C19orf38: variants seen among roughly 807,000 people sequenced by gnomAD.
C19orf38 encodes the protein protein HIDE1.
Under a neutral mutation model 26.6 loss-of-function variants are expected in C19orf38, and 14 were observed. That is an observed-to-expected ratio of 0.53 (90% CI 0.35 to 0.82). The LOEUF (loss-of-function observed/expected upper bound fraction) is 0.82. C19orf38 is among the 40% of genes least tolerant of loss of function. The pLI, the probability that C19orf38 is intolerant of heterozygous loss-of-function variation, is 0.01. For missense variants in C19orf38, 261 were observed against 299.5 expected (o/e 0.87, Z 0.95); for synonymous variants, 132 against 128.5 (o/e 1.03, Z -0.18).
intron 4 of C19orf38, among the ~76,000 whole-genome samples, chr19:10,858,572 G>GTAAA (rs1282978506): frequency 2.6e-5 from 4 of 152,150 alleles, no homozygotes; most frequent in Non-Finnish European, 1.5e-5. Context: ...CAGGCACCAT[G>GTAAA]AATAGCCCTA....
At chr19:10,836,833 G>T (rs1360128867) in intron 1 of C19orf38, 1 of 152,352 alleles carries the variant, frequency 6.6e-6, no homozygotes, top group African/African-American at 2.4e-5. Flanking sequence ...GATGAGGCTT[G>T]GTTCATATTG....
upstream of C19orf38, among the ~76,000 whole-genome samples, chr19:10,844,071 G>A (rs548373241): frequency 9.9e-5 from 15 of 151,388 alleles, no homozygotes; most frequent in South Asian, 6.3e-4. Context: ...CCGAGATTGC[G>A]CCACTGCACT....
At chr19:10,862,880 G>A (rs2073715363) in intron 5 of C19orf38, among the ~76,000 whole-genome samples, 1 of 152,070 alleles carries the variant, frequency 6.6e-6, no homozygotes, top group African/African-American at 2.4e-5. Flanking sequence ...AGAGCCTGGG[G>A]AGGAGGAGGA....
rs1207361579 is a variant in C19orf38, at chr19:10,850,433, G to T, written c.206G>T (p.Gly69Val). Reference protein sequence around the residue: ...QLLQAPTDQRGVTFNLSGGSS... With the variant: ...QLLQAPTDQRVVTFNLSGGSS... ...CTGCAGGCCCCCACGGACCAGCGCG[G>T]GGTGACATTTAACCTGAGCGGCGGC... The change falls in exon 2 of 7, where the codon GGG becomes GTG. Residue 69 changes from glycine to valine, a missense_variant. Gly to Val is a moderately radical substitution (Grantham distance 109). Transcript: ENST00000397820. 3.0e-5 allele frequency: 46 copies of T among 1,551,342 alleles called. No individual in the cohort carries two copies. The highest frequency in any genetic ancestry group is 4.0e-5 in the Non-Finnish European group (46 of 1,146,882).
chr19:10,857,919 AAAGAAAG>A (rs1289466680), intron 3 of C19orf38, among the ~76,000 whole-genome samples: 1 of 149,830 alleles, frequency 6.7e-6, no homozygotes, highest in African/African-American at 2.5e-5. Flanking sequence ...AGAAAGAAAG[AAAGAAAG>A]AAAGAAAAAT....
chr19:10,848,574 C>A (rs1351407965), intron 1 of C19orf38, 35 bp downstream of exon 1: 26 of 1,304,714 alleles, frequency 2.0e-5, no homozygotes, highest in Non-Finnish European at 2.5e-5. Context: ...ATCCCCCACG[C>A]CTTTCCCCCC....
chr19:10,858,687 C>T (rs1444236250), intron 4 of C19orf38, among the ~76,000 whole-genome samples: 7 of 152,112 alleles, frequency 4.6e-5, no homozygotes, highest in Non-Finnish European at 8.8e-5. Context: ...TGCCAGAAAA[C>T]GGTCACAATC....
At chr19:10,841,415 C>G (rs2073476867) in intron 1 of C19orf38, among the ~76,000 whole-genome samples, 1 of 152,046 alleles carries the variant, frequency 6.6e-6, no homozygotes. Context: ...CCCAGGAGTT[C>G]AAGGCTGCAG....
rs1221027780 is a variant in C19orf38, at chr19:10,859,384, ATTT to A, written c.462-516_462-514del. On this transcript the variant is annotated intron_variant, in intron 4 of 6. Transcript: ENST00000397820. ...TATATATATATATATATATATATATATTTTTTTTTTTTTTTTTAGACGGAGTCT... is the reference window on the plus strand; with the variant it reads ...TATATATATATATATATATATATATATTTTTTTTTTTTTTAGACGGAGTCT... Among the ~76,000 whole-genome samples, 87 of 21,008 alleles carry A rather than the reference ATTT, an allele frequency of 4.1e-3. 1 individual carries two copies. The highest frequency in any genetic ancestry group is 9.8e-3 in the East Asian group (5 of 508). The allele number at this position is 21,008 out of a possible 152,430, so 13.8% of individuals were successfully genotyped here.
chr19:10,842,237 C>A, intron 1 of C19orf38: 3 of 1,174,342 alleles, frequency 2.6e-6, no homozygotes, highest in Non-Finnish European at 2.5e-6. Flanking sequence ...AGAACCATCT[C>A]TTGGAAAACA....
chr19:10,859,807 C>G, intron 4 of C19orf38, 108 bp from the exon 5 acceptor site: 1 of 999,824 alleles, frequency 1.0e-6, no homozygotes. Flanking sequence ...GGGTGGGGAG[C>G]AAAGGCTACA....
chr19:10,861,504 C>G (rs1439473296), intron 5 of C19orf38, among the ~76,000 whole-genome samples: 1 of 152,226 alleles, frequency 6.6e-6, no homozygotes, highest in African/African-American at 2.4e-5. Context: ...CAAGCCCATT[C>G]TCCAATGGGA....
Position 10,856,374 on chromosome 19 carries a change from C to G in C19orf38, c.433+17C>G, listed in dbSNP as rs1479470562. On this transcript the variant is annotated intron_variant, in intron 3 of 6. Transcript: ENST00000397820. ...TCAGAAAAGGTAACAGCACGCAAAG[C>G]CTGGCACACAAGTTGCCAGTTGACA... 6.5e-7 allele frequency: 1 copy of G among 1,544,938 alleles called. No homozygotes were observed. Among genetic ancestry groups the G allele is most frequent in the East Asian group, 2.4e-5 (1 of 40,882 alleles).
chr19:10,863,062 G>T, intron 5 of C19orf38, 108 bp from the exon 6 acceptor site: 1 of 1,146,790 alleles, frequency 8.7e-7, no homozygotes. Flanking sequence ...GCTGGGAGAT[G>T]GACCCCAATT....
At chr19:10,845,463 A>C (rs1036324727), upstream of C19orf38, among the ~76,000 whole-genome samples, 1 of 152,236 alleles carries the variant, frequency 6.6e-6, no homozygotes, top group Non-Finnish European at 1.5e-5. Flanking sequence ...GATCATAGAA[A>C]AGAAAGCACA....
In C19orf38 at chr19:10,868,351, C is replaced by T. The variant is rs549067607; in HGVS notation, c.544-867C>T. Among the ~76,000 whole-genome samples the T allele has an allele frequency of 2.0e-5, 3 of 152,294 alleles. No individual in the cohort carries two copies. The South Asian group carries it at 6.2e-4, about 32-fold the overall frequency. On this transcript the variant is annotated intron_variant, in intron 6 of 6. Coordinates refer to ENST00000397820, the MANE Select transcript of C19orf38 (RefSeq NM_001136482.3). ...GAGGGACAGGACTGTGGGTGGAACC[C>T]CCAGCCTGCTGTCAACTGAGTGGCT...
At chr19:10,865,346 C>T (rs2073741290) in intron 6 of C19orf38, among the ~76,000 whole-genome samples, 1 of 152,206 alleles carries the variant, frequency 6.6e-6, no homozygotes, top group African/African-American at 2.4e-5. Context: ...GGGTTTTCAT[C>T]ATGTTGGCCA....
intron 2 of C19orf38, among the ~76,000 whole-genome samples, chr19:10,855,070 C>T (rs998628160): frequency 3.2e-4 from 39 of 121,052 alleles, no homozygotes; most frequent in African/African-American, 1.1e-3. Flanking sequence ...CAGATTCTAG[C>T]TGTGTCACCC....
intron 4 of C19orf38, among the ~76,000 whole-genome samples, chr19:10,859,280 A>AAG: frequency 2.5e-5 from 1 of 40,100 alleles, no homozygotes; most frequent in East Asian, 9.0e-4. Context: ...GTGTGTGTGT[A>AAG]TGTGTGTGTG....
Sources: gnomAD v4.1 joint callset for allele counts (sites outside exome capture counted in the v4.1 genomes callset) on GRCh38, gnomAD v4.1.1 for gene constraint, MANE v1.5 for transcripts, NCBI Gene and HGNC (gene_info 2026-07-23, HGNC 2026-07-21) for gene names.